Variants in KCNH7 observed in about 807,000 individuals in gnomAD.
KCNH7 encodes potassium voltage-gated channel subfamily H member 7.
Under a neutral mutation model 120.8 loss-of-function variants are expected in KCNH7, and 49 were observed. The ratio of observed to expected loss-of-function variants is 0.41; its 90% CI spans 0.32 to 0.51. KCNH7 has a LOEUF of 0.51. Among genes scored for constraint, KCNH7 ranks in the 20% least tolerant of loss-of-function variants. The pLI is 0.38. For synonymous variants in KCNH7, 547 were observed against 516.1 expected (o/e 1.06, Z -0.81); for missense variants, 1,097 against 1,446.6 (o/e 0.76, Z 3.92).
At chr2:162,584,599 T>C (rs1693968025) in intron 2 of KCNH7, among the ~76,000 whole-genome samples, 1 of 152,030 alleles carries the variant, frequency 6.6e-6, no homozygotes, top group Non-Finnish European at 1.5e-5. Flanking sequence ...GTGGAAGTAT[T>C]TGAGAAGCTA....
chr2:162,449,068 G>C (rs371162357), intron 6 of KCNH7, among the ~76,000 whole-genome samples: 2 of 151,968 alleles, frequency 1.3e-5, no homozygotes, highest in African/African-American at 4.8e-5. Flanking sequence ...GAATGAACAA[G>C]GGTAAGAAAG....
intron 6 of KCNH7, among the ~76,000 whole-genome samples, chr2:162,452,397 A>T (rs1008959890): frequency 4.6e-5 from 7 of 152,094 alleles, no homozygotes; most frequent in Non-Finnish European, 1.5e-5. Context: ...GTAAGAATTG[A>T]GTTGGTTTCT....
intron 2 of KCNH7, among the ~76,000 whole-genome samples, chr2:162,566,093 T>A (rs1168754753): frequency 6.6e-6 from 1 of 152,022 alleles, no homozygotes; most frequent in Non-Finnish European, 1.5e-5. Context: ...AGTGGGGGAC[T>A]GAAAGTTTTC....
intron 2 of KCNH7, among the ~76,000 whole-genome samples, chr2:162,815,601 G>C (rs896764283): frequency 1.3e-5 from 2 of 152,190 alleles, no homozygotes; most frequent in African/African-American, 4.8e-5. Context: ...AGACTGGAAG[G>C]CAAGGGGCAG....
chr2:162,618,784 G>C (rs1683238129), intron 2 of KCNH7, among the ~76,000 whole-genome samples: 1 of 152,128 alleles, frequency 6.6e-6, no homozygotes, highest in Non-Finnish European at 1.5e-5. Context: ...AGAAGGTGTG[G>C]AAAACTGTCC....
chr2:162,531,939 A>G (rs1161076014), intron 3 of KCNH7, among the ~76,000 whole-genome samples: 1 of 151,934 alleles, frequency 6.6e-6, no homozygotes, highest in African/African-American at 2.4e-5. Flanking sequence ...ATATTTTTCT[A>G]TCTGAATTTA....
At position 162,674,296 on chromosome 2, in the gene KCNH7, C is replaced by T. The variant is rs185814054; in HGVS notation, c.308-137216G>A. Reference sequence around the variant, plus strand: ...TAATTAAGTATAATCTAATAAGAGACGTGTGAAACCTTTACGGGAAAAGAT... The same window carrying T: ...TAATTAAGTATAATCTAATAAGAGATGTGTGAAACCTTTACGGGAAAAGAT... On this transcript the variant is annotated intron_variant, in intron 2 of 15. Coordinates refer to ENST00000332142, the MANE Select transcript of KCNH7 (RefSeq NM_033272.4). Among the ~76,000 whole-genome samples, 18 of 151,634 alleles carry T rather than the reference C, an allele frequency of 1.2e-4. 1 individual carries two copies. In the South Asian group the frequency reaches 1.7e-3, roughly 14 times the overall value.
chr2:162,537,819 T>C (rs749750720), intron 2 of KCNH7, among the ~76,000 whole-genome samples: 6 of 152,030 alleles, frequency 3.9e-5, no homozygotes, highest in Non-Finnish European at 8.8e-5. Context: ...TATGACTCAG[T>C]TTGCAATCAA....
Position 162,468,303 on chromosome 2 carries a change from G to T in KCNH7, c.1129-21860C>A, listed in dbSNP as rs186286611. On this transcript the variant is annotated intron_variant, in intron 6 of 15. Transcript: ENST00000332142. ...AACATTAAAATAATTGAGATACCAAGATCTAAATAAAAATCTCAATACAAT... is the reference window on the plus strand; with the variant it reads ...AACATTAAAATAATTGAGATACCAATATCTAAATAAAAATCTCAATACAAT... Among the ~76,000 whole-genome samples the T allele has an allele frequency of 9.2e-4, 140 of 151,704 alleles. 1 individual carries two copies. The highest frequency in any genetic ancestry group is 2.9e-3 in the African/African-American group (119 of 41,118).
intron 12 of KCNH7, among the ~76,000 whole-genome samples, chr2:162,392,942 T>C (rs1485019366): frequency 6.6e-6 from 1 of 151,688 alleles, no homozygotes; most frequent in Non-Finnish European, 1.5e-5. Flanking sequence ...GAGGGGCAAG[T>C]TGCATGTGGG....
chr2:162,542,231 T>C (rs1692332352), intron 2 of KCNH7, among the ~76,000 whole-genome samples: 1 of 151,718 alleles, frequency 6.6e-6, no homozygotes. Context: ...TCTTTTTTTT[T>C]CTTTGATGAG....
At chr2:162,640,356 G>C (rs1684107338) in intron 2 of KCNH7, among the ~76,000 whole-genome samples, 1 of 151,980 alleles carries the variant, frequency 6.6e-6, no homozygotes. Context: ...TAGATGCATA[G>C]ATCCATGGAA....
intron 2 of KCNH7, among the ~76,000 whole-genome samples, chr2:162,680,030 T>C (rs1685660997): frequency 6.6e-6 from 1 of 151,792 alleles, no homozygotes; most frequent in South Asian, 2.1e-4. Flanking sequence ...AGAATGGCAA[T>C]ATGTGACTAA....
chr2:162,563,584 C>T (rs1010059787), intron 2 of KCNH7, among the ~76,000 whole-genome samples: 11 of 152,030 alleles, frequency 7.2e-5, no homozygotes, highest in South Asian at 6.2e-4. Flanking sequence ...TGTGTTGTGA[C>T]CTTGAATTGA....
chr2:162,740,021 A>G (rs1402018132), intron 2 of KCNH7, among the ~76,000 whole-genome samples: 1 of 152,142 alleles, frequency 6.6e-6, no homozygotes, highest in Admixed American at 6.5e-5. Context: ...AGAGGCCACT[A>G]TGTCAGAAGT....
chr2:162,441,724 A>G (rs1275510949), intron 7 of KCNH7, among the ~76,000 whole-genome samples: 2 of 152,120 alleles, frequency 1.3e-5, no homozygotes, highest in Non-Finnish European at 2.9e-5. Flanking sequence ...TGAGCCAATA[A>G]CATTATTCCT....
rs1396886242 is a variant in KCNH7, at chr2:162,400,285, T to A, written c.2311A>T (p.Thr771Ser). Residue 771 changes from threonine to serine, a missense_variant, in exon 10 of 16, where the codon ACC becomes TCC. Thr to Ser is a moderately conservative substitution (Grantham distance 58). Around this residue, in one of 8 missense-constraint regions of KCNH7, gnomAD observed 101 missense variants for 176.3 expected, o/e 0.57. Coordinates refer to ENST00000332142, the MANE Select transcript of KCNH7 (RefSeq NM_033272.4). Reference protein sequence around the residue: ...FKTTHAPPGDTLVHCGDVLTA... With the variant: ...FKTTHAPPGDSLVHCGDVLTA... ...AGGACATCCCCACAGTGAACGAGGG[T>A]GTCTCCTGGAGGTGCATGGGTGGTT... 1 of 1,612,362 alleles carries A rather than the reference T, an allele frequency of 6.2e-7. No homozygotes were observed. The highest frequency in any genetic ancestry group is 8.5e-7 in the Non-Finnish European group (1 of 1,178,986).
At chr2:162,773,856 T>C (rs962568260) in intron 2 of KCNH7, among the ~76,000 whole-genome samples, 5 of 152,218 alleles carry the variant, frequency 3.3e-5, no homozygotes, top group East Asian at 3.8e-4. Context: ...TAAAATGATA[T>C]GATAAACGGG....
chr2:162,626,916 T>C (rs552686075), intron 2 of KCNH7, among the ~76,000 whole-genome samples: 5 of 152,164 alleles, frequency 3.3e-5, no homozygotes, highest in Non-Finnish European at 7.4e-5. Context: ...TTGTCTTTCT[T>C]ACACTGTGGT....
Sources: allele counts gnomAD v4.1 joint callset (sites outside exome capture counted in the v4.1 genomes callset), GRCh38; gene constraint gnomAD v4.1.1; regional missense constraint gnomAD v4.1.1; transcripts MANE v1.5; gene names NCBI Gene and HGNC (gene_info 2026-07-23, HGNC 2026-07-21).